Variants in FTO observed in about 807,000 individuals in gnomAD.
FTO encodes alpha-ketoglutarate-dependent dioxygenase FTO.
FTO carries 47 observed loss-of-function variants against 63.9 expected under a neutral mutation model. That is an observed-to-expected ratio of 0.74 (90% CI 0.58 to 0.94). The LOEUF (loss-of-function observed/expected upper bound fraction) is 0.94. FTO is among the 40% of genes least tolerant of loss of function. The probability of loss-of-function intolerance (pLI) is 0.00; values close to 1 mark genes in which losing one functional copy is unlikely to be tolerated. For synonymous variants in FTO, 207 were observed against 224.4 expected, an observed-to-expected ratio of 0.92 and a Z score of 0.69; for missense variants, 562 against 618.1, an observed-to-expected ratio of 0.91 and a Z score of 0.96.
At chr16:53,715,453 T>C (rs908645557) in intron 1 of FTO, among the ~76,000 whole-genome samples, 1 of 152,240 alleles carries the variant, frequency 6.6e-6, no homozygotes, top group African/African-American at 2.4e-5. Flanking sequence ...CTTTGATTTA[T>C]ACTTCAGGCA....
At position 54,009,883 on chromosome 16, in the gene FTO, C is replaced by G. The variant is rs575570807; in HGVS notation, c.1364+75774C>G. Among the ~76,000 whole-genome samples, 14 of 152,312 alleles carry G rather than the reference C, an allele frequency of 9.2e-5. 1 individual carries two copies. Among genetic ancestry groups the G allele is most frequent in the African/African-American group, 3.4e-4 (14 of 41,566 alleles). On this transcript the variant is annotated intron_variant, in intron 8 of 8. Coordinates refer to ENST00000471389, the MANE Select transcript of FTO (RefSeq NM_001080432.3). ...TTGTGGCAAAACTCAACCTGACCCC[C>G]CTTCAGAGAAAGAGAAATAAGTGTC...
intron 1 of FTO, among the ~76,000 whole-genome samples, chr16:53,742,885 C>T (rs1472464214): frequency 6.6e-6 from 1 of 152,084 alleles, no homozygotes; most frequent in East Asian, 1.9e-4. Context: ...TCCTTTAGTT[C>T]TTGGAATGGG....
chr16:53,712,693 G>A (rs1270885657), intron 1 of FTO, among the ~76,000 whole-genome samples: 1 of 152,180 alleles, frequency 6.6e-6, no homozygotes, highest in African/African-American at 2.4e-5. Flanking sequence ...CTTGAAGATA[G>A]CATTTGTGTC....
intron 7 of FTO, among the ~76,000 whole-genome samples, chr16:53,914,589 A>G (rs1303787688): frequency 6.6e-6 from 1 of 152,148 alleles, no homozygotes; most frequent in African/African-American, 2.4e-5. Context: ...GGGAAGGCAA[A>G]ATGGCTTTAA....
chr16:53,710,219 T>C (rs531217631), intron 1 of FTO, among the ~76,000 whole-genome samples: 1 of 151,430 alleles, frequency 6.6e-6, no homozygotes, highest in South Asian at 2.1e-4. Flanking sequence ...AATGGCCCTG[T>C]ATTCTTATTT....
intron 1 of FTO, among the ~76,000 whole-genome samples, chr16:53,775,463 T>C (rs930269118): frequency 5.9e-5 from 9 of 152,152 alleles, no homozygotes; most frequent in Admixed American, 2.6e-4. Context: ...TGGCTTTTGG[T>C]TTCTTTCACC....
Position 54,116,523 on chromosome 16 carries a change from G to A in FTO, c.*4608G>A, listed in dbSNP as rs1309136200. 1.3e-5 allele frequency: 2 copies of A among 152,124 alleles called. No individual in the cohort carries two copies. The highest frequency in any genetic ancestry group is 1.5e-5 in the Non-Finnish European group (1 of 68,036). The allele number at this position is 152,124 out of a possible 1,614,324, so 9.4% of individuals were successfully genotyped here. A position where few individuals can be genotyped will look rare whatever the true frequency, so the allele number is the denominator to read the frequency against. On this transcript the variant is annotated 3_prime_UTR_variant, in exon 9 of 9. Transcript: ENST00000471389. ...CATTGGGAGCCATAGGTATCGCGGTGGTGAAATCAATTTGACAACCATAAA... is the reference window on the plus strand; with the variant it reads ...CATTGGGAGCCATAGGTATCGCGGTAGTGAAATCAATTTGACAACCATAAA...
At chr16:53,706,577 A>C (rs78483816) in intron 1 of FTO, among the ~76,000 whole-genome samples, 1 of 151,496 alleles carries the variant, frequency 6.6e-6, no homozygotes, top group Non-Finnish European at 1.5e-5. Flanking sequence ...TTTTTTTTTC[A>C]AAATAGAGAT....
At chr16:53,890,993 A>AT (rs556391029) in intron 7 of FTO, among the ~76,000 whole-genome samples, 10,352 of 144,738 alleles carry the variant, frequency 0.072, 431 homozygotes, top group Non-Finnish European at 0.11. Context: ...GCTCTTATTG[A>AT]TTTTTTTTTT....
intron 8 of FTO, among the ~76,000 whole-genome samples, chr16:54,051,917 G>T (rs556014045): frequency 6.6e-6 from 1 of 152,256 alleles, no homozygotes; most frequent in South Asian, 2.1e-4. Context: ...TCAGAGATTA[G>T]AAGTTCTGGA....
intron 8 of FTO, among the ~76,000 whole-genome samples, chr16:53,944,637 T>C (rs1599052049): frequency 6.6e-6 from 1 of 152,340 alleles, no homozygotes; most frequent in Admixed American, 6.5e-5. Context: ...CAATTGTGGA[T>C]TGTAACTAGA....
At chr16:53,990,269 A>T (rs1054215974) in intron 8 of FTO, among the ~76,000 whole-genome samples, 6 of 152,170 alleles carry the variant, frequency 3.9e-5, no homozygotes, top group Non-Finnish European at 7.3e-5. Context: ...AATAAATACC[A>T]CTTAGTAGCC....
At chr16:53,784,783 A>G (rs2077689607) in intron 1 of FTO, among the ~76,000 whole-genome samples, 1 of 152,150 alleles carries the variant, frequency 6.6e-6, no homozygotes, top group Admixed American at 6.5e-5. Flanking sequence ...AAAAAATTGG[A>G]CTATATTTGG....
rs2086991440 is a variant in FTO, at chr16:54,119,308, T to C, written c.*7393T>C. The C allele has an allele frequency of 6.6e-6, 1 of 152,184 alleles. No homozygotes were observed. The highest frequency in any genetic ancestry group is 2.1e-4 in the South Asian group (1 of 4,830). The allele number at this position is 152,184 out of a possible 1,614,324, so 9.4% of individuals were successfully genotyped here. On this transcript the variant is annotated 3_prime_UTR_variant, in exon 9 of 9. Coordinates refer to ENST00000471389, the MANE Select transcript of FTO (RefSeq NM_001080432.3). ...CAAATAGGGAATTCGGCTTTCCACG[T>C]TGGAACCAGAACAGTTAACCTTCAA...
intron 1 of FTO, among the ~76,000 whole-genome samples, chr16:53,808,804 T>A (rs2078438009): frequency 6.6e-6 from 1 of 152,246 alleles, no homozygotes; most frequent in African/African-American, 2.4e-5. Context: ...TGTACCGTTA[T>A]CTAATTTTTA....
chr16:53,929,136 C>T (rs1044778440), intron 7 of FTO, among the ~76,000 whole-genome samples: 1 of 152,188 alleles, frequency 6.6e-6, no homozygotes, highest in Non-Finnish European at 1.5e-5. Context: ...AGCCACATGT[C>T]CTATGAGTTT....
chr16:53,826,740 G>A (rs1344841214), intron 3 of FTO, among the ~76,000 whole-genome samples: 3 of 152,126 alleles, frequency 2.0e-5, no homozygotes, highest in South Asian at 4.2e-4. Context: ...GAATATTTTC[G>A]CACGTAAGCA....
chr16:53,959,655 T>G lies in FTO; in HGVS notation c.1364+25546T>G, dbSNP rs530771043. On this transcript the variant is annotated intron_variant, in intron 8 of 8. Coordinates refer to ENST00000471389, the MANE Select transcript of FTO (RefSeq NM_001080432.3). The stretch of plus-strand genomic sequence containing the variant: ...CACAACAACCATATGAGGTGTTAAC[T>G]GTACTGTACAGCTCAGGAAACTGAG... 2.0e-5 allele frequency among the ~76,000 whole-genome samples: 3 copies of G among 152,308 alleles called. No individual in the cohort carries two copies. In the South Asian group the frequency reaches 6.2e-4, roughly 32 times the overall value.
At chr16:53,753,406 C>CT (rs201595887) in intron 1 of FTO, among the ~76,000 whole-genome samples, 5,175 of 145,220 alleles carry the variant, frequency 0.036, 117 homozygotes, top group Middle Eastern at 0.096. Flanking sequence ...GGAACTTACA[C>CT]TTTTTTTTTT....
Sources: allele counts gnomAD v4.1 joint callset (sites outside exome capture counted in the v4.1 genomes callset), GRCh38; gene constraint gnomAD v4.1.1; transcripts MANE v1.5; gene names NCBI Gene and HGNC (gene_info 2026-07-23, HGNC 2026-07-21).